ITPKB: variants seen among roughly 807,000 people sequenced by gnomAD.
The protein encoded by ITPKB is IP3 3-kinase B.
A neutral mutation model predicts 69.4 loss-of-function variants in ITPKB; 13 were observed. The ratio of observed to expected loss-of-function variants is 0.19; its 90% confidence interval spans 0.12 to 0.30. The LOEUF (loss-of-function observed/expected upper bound fraction) is 0.30. Ranked by LOEUF, ITPKB falls within the 10% of genes least tolerant of loss-of-function variation. ITPKB has a pLI of 1.00. For missense variants in ITPKB, 1,240 were observed against 1,250.5 expected, an observed-to-expected ratio of 0.99 and a Z score of 0.13; for synonymous variants, 584 against 513.7, an observed-to-expected ratio of 1.14 and a Z score of -1.85.
At chr1:226,639,533 C>T in intron 6 of ITPKB, 24 bp downstream of exon 6, 2 of 1,476,698 alleles carry the variant, frequency 1.4e-6, no homozygotes, top group Non-Finnish European at 1.9e-6. Context: ...CTGGAGAGAC[C>T]CTCTCTGGAG....
chr1:226,690,668 C>T (rs1168253708), intron 2 of ITPKB, among the ~76,000 whole-genome samples: 1 of 152,192 alleles, frequency 6.6e-6, no homozygotes, highest in Non-Finnish European at 1.5e-5. Context: ...AGGACAGACA[C>T]TCAGACACAG....
intron 2 of ITPKB, among the ~76,000 whole-genome samples, chr1:226,665,536 G>A: frequency 6.6e-6 from 1 of 152,182 alleles, no homozygotes; most frequent in Non-Finnish European, 1.5e-5. Context: ...TCTGAAAGAT[G>A]AAATAGAACA....
intron 2 of ITPKB, among the ~76,000 whole-genome samples, chr1:226,725,355 G>A (rs573848992): frequency 9.2e-5 from 14 of 152,360 alleles, no homozygotes; most frequent in South Asian, 2.1e-4. Flanking sequence ...GCAGCCACCC[G>A]AAGGGAAATC....
chr1:226,644,375 G>A (rs961005295), intron 4 of ITPKB, among the ~76,000 whole-genome samples: 9 of 152,216 alleles, frequency 5.9e-5, no homozygotes, highest in Non-Finnish European at 1.3e-4. Flanking sequence ...TGGGGGAGGA[G>A]GGGACTCAAG....
chr1:226,670,763 T>C (rs746506297), intron 2 of ITPKB, among the ~76,000 whole-genome samples: 19 of 152,258 alleles, frequency 1.2e-4, no homozygotes, highest in Non-Finnish European at 2.8e-4. Flanking sequence ...TATATTCTAT[T>C]GCACTACATG....
intron 7 of ITPKB, among the ~76,000 whole-genome samples, chr1:226,635,328 C>A (rs1359472159): frequency 6.6e-6 from 1 of 152,168 alleles, no homozygotes; most frequent in South Asian, 2.1e-4. Flanking sequence ...TCAAGCGATC[C>A]TCCCACCACA....
In ITPKB at chr1:226,637,379, G is replaced by A. The variant is rs767725384; in HGVS notation, c.2625+300C>T. On this transcript the variant is annotated intron_variant, in intron 7 of 7. Transcript: ENST00000429204. The surrounding 1 kb of genome is among the most constrained non-coding windows in gnomAD (Gnocchi z 4.3). The stretch of plus-strand genomic sequence containing the variant: ...CAGAGAGCTTCTGCCCTGAGACCAC[G>A]GGTGTGTGGGATATGAGTCCTGCCA... Among the ~76,000 whole-genome samples the A allele has an allele frequency of 6.6e-6, 1 of 152,236 alleles. No individual in the cohort carries two copies. The highest frequency in any genetic ancestry group is 1.9e-4 in the East Asian group (1 of 5,200).
chr1:226,668,293 T>C (rs1669545194), intron 2 of ITPKB, among the ~76,000 whole-genome samples: 1 of 152,238 alleles, frequency 6.6e-6, no homozygotes, highest in South Asian at 2.1e-4. Flanking sequence ...TATTAATAGT[T>C]GCAAAGCCAG....
At chr1:226,719,632 C>G (rs917315082) in intron 2 of ITPKB, among the ~76,000 whole-genome samples, 18 of 152,362 alleles carry the variant, frequency 1.2e-4, no homozygotes, top group African/African-American at 3.8e-4. Flanking sequence ...CGATTGCATT[C>G]AATTCCTGCT....
chr1:226,673,707 T>C (rs149091301), intron 2 of ITPKB, among the ~76,000 whole-genome samples: 1 of 152,376 alleles, frequency 6.6e-6, no homozygotes, highest in East Asian at 1.9e-4. Context: ...ATATACCATA[T>C]ACATTAGATA....
In ITPKB at chr1:226,636,706, T is replaced by TCAC. The variant is rs112388347; in HGVS notation, c.2625+970_2625+972dup. Among the ~76,000 whole-genome samples, 68 of 151,684 alleles carry TCAC rather than the reference T, an allele frequency of 4.5e-4. 1 individual carries two copies. The highest frequency in any genetic ancestry group is 1.6e-3 in the African/African-American group (67 of 41,294). On this transcript the variant is annotated intron_variant, in intron 7 of 7. Transcript: ENST00000429204. ...CTGCAGGGAGCCGCAGGATCCCGCT[T>TCAC]CACACCCACCCACCCATGGGATTAG...
rs758955598 is a variant in ITPKB at position 226,737,369 on chromosome 1, G to T, written c.90C>A (p.Gly30=). 1 of 1,608,276 alleles carries T rather than the reference G, an allele frequency of 6.2e-7. No individual in the cohort carries two copies. Among genetic ancestry groups the T allele is most frequent in the African/African-American group, 1.3e-5 (1 of 74,928 alleles). ...TCCTCGGGGGCGGGGGCGTCTCGCT[G>T]CCACTGGGCCCCGGGCCGCCGCCGC... ...MKSGGGPGPS[G]SETPPPPRRA... The change falls in exon 2 of 8, where the codon GGC becomes GGA. Residue 30 remains glycine (G), a synonymous_variant. Transcript: ENST00000429204.
At chr1:226,723,401 TCTC>T (rs1020033356) in intron 2 of ITPKB, among the ~76,000 whole-genome samples, 11 of 151,938 alleles carry the variant, frequency 7.2e-5, no homozygotes, top group Admixed American at 5.2e-4. Context: ...AGATAAAACA[TCTC>T]CTTAATCTCA....
Position 226,738,916 on chromosome 1 carries a change from G to A in ITPKB, c.-206+125C>T, listed in dbSNP as rs1432863322. On this transcript the variant is annotated intron_variant, in intron 1 of 7. Coordinates refer to ENST00000429204, the MANE Select transcript of ITPKB (RefSeq NM_002221.4). The surrounding 1 kb of genome is among the most constrained non-coding windows in gnomAD (Gnocchi z 4.2). ...CCTCCAAAATCAAACCCCCTTCCCT[G>A]CCTCCCCAGCCCACCCCTTTGCCCT... 2.6e-5 allele frequency: 4 copies of A among 152,190 alleles called. No individual in the cohort carries two copies. Among genetic ancestry groups the A allele is most frequent in the Admixed American group, 6.5e-5 (1 of 15,270 alleles). 9.4% of individuals were successfully genotyped at this position (152,190 alleles called of 1,614,324 possible).
intron 2 of ITPKB, among the ~76,000 whole-genome samples, chr1:226,696,511 C>T (rs976858743): frequency 1.3e-5 from 2 of 152,266 alleles, no homozygotes; most frequent in African/African-American, 2.4e-5. Flanking sequence ...ATGGCACATG[C>T]CCGGCCCCTG....
chr1:226,701,624 A>AC (rs1379182319), intron 2 of ITPKB, among the ~76,000 whole-genome samples: 1 of 151,242 alleles, frequency 6.6e-6, no homozygotes, highest in Admixed American at 6.6e-5. Context: ...AAAAAAAAAA[A>AC]AAAAAAACTT....
intron 2 of ITPKB, among the ~76,000 whole-genome samples, chr1:226,658,631 G>C (rs939046894): frequency 1.3e-5 from 2 of 152,118 alleles, no homozygotes; most frequent in Non-Finnish European, 2.9e-5. Flanking sequence ...CCCGAGTAAG[G>C]CTTTATTTCA....
At chr1:226,697,124 G>T (rs1656508139) in intron 2 of ITPKB, among the ~76,000 whole-genome samples, 1 of 152,238 alleles carries the variant, frequency 6.6e-6, no homozygotes, top group African/African-American at 2.4e-5. Context: ...GCAGAAACCT[G>T]GGCAAGCGTC....
chr1:226,649,485 T>G (rs966934681), intron 2 of ITPKB, among the ~76,000 whole-genome samples: 5 of 150,884 alleles, frequency 3.3e-5, no homozygotes, highest in African/African-American at 1.2e-4. Context: ...TGCATATGTG[T>G]GCATCAGTGT....
Sources: allele counts gnomAD v4.1 joint callset (sites outside exome capture counted in the v4.1 genomes callset), GRCh38; gene constraint gnomAD v4.1.1; non-coding constraint Gnocchi (gnomAD v3.1); transcripts MANE v1.5; gene names NCBI Gene and HGNC (gene_info 2026-07-23, HGNC 2026-07-21).